Variants in SIPA1L2 observed in about 807,000 individuals in gnomAD.
SIPA1L2 encodes the protein signal induced proliferation associated 1 like 2.
Under a neutral mutation model 163.9 loss-of-function variants are expected in SIPA1L2, and 56 were observed. That is an observed-to-expected ratio of 0.34 (90% CI 0.28 to 0.43). SIPA1L2 has a LOEUF of 0.43. SIPA1L2 is among the 20% of genes least tolerant of loss of function. The pLI is 1.00. For missense variants in SIPA1L2, 1,974 were observed against 2,193.5 expected (o/e 0.90, Z 2.00); for synonymous variants, 877 against 865.7 (o/e 1.01, Z -0.23).
chr1:232,618,950 C>T lies in SIPA1L2; in HGVS notation c.-319+10919G>A, dbSNP rs566225786. Among the ~76,000 whole-genome samples, 8 of 152,304 alleles carry T rather than the reference C, an allele frequency of 5.3e-5. No individual in the cohort carries two copies. In the South Asian group the frequency reaches 1.7e-3, roughly 32 times the overall value. On this transcript the variant is annotated intron_variant, in intron 1 of 22. Transcript: ENST00000674635. ...TGAGGAAAAAAAACATAATGACCAT[C>T]TTACGTGATAGACAAAGTAATTATC...
chr1:232,444,798 C>T lies in SIPA1L2; in HGVS notation c.3353+731G>A, dbSNP rs534299713. Among the ~76,000 whole-genome samples, 161 of 152,296 alleles carry T rather than the reference C, an allele frequency of 1.1e-3. 1 individual carries two copies. Among genetic ancestry groups the T allele is most frequent in the African/African-American group, 3.4e-3 (142 of 41,548 alleles). ...TCAAGTAAGTTAAGAGCTGTGATTCCAGCCTGGCTCCCAGTCCGTGGTCTA... is the reference window on the plus strand; with the variant it reads ...TCAAGTAAGTTAAGAGCTGTGATTCTAGCCTGGCTCCCAGTCCGTGGTCTA... On this transcript the variant is annotated intron_variant, in intron 11 of 22. Coordinates refer to ENST00000674635, the MANE Select transcript of SIPA1L2 (RefSeq NM_020808.5).
chr1:232,510,379 T>C (rs1013740112), intron 3 of SIPA1L2, among the ~76,000 whole-genome samples: 2 of 152,210 alleles, frequency 1.3e-5, no homozygotes, highest in African/African-American at 2.4e-5. Context: ...TCTAGAATTC[T>C]GCTTTCTGAC....
intron 7 of SIPA1L2, among the ~76,000 whole-genome samples, chr1:232,471,988 A>G (rs892900333): frequency 1.1e-4 from 16 of 152,370 alleles, no homozygotes; most frequent in Admixed American, 7.2e-4. Context: ...TGCAACAAAA[A>G]TACAGAACAC....
chr1:232,425,517 C>T (rs1048059495), intron 18 of SIPA1L2, 72 bp downstream of exon 18: 6 of 1,183,910 alleles, frequency 5.1e-6, no homozygotes, highest in Non-Finnish European at 3.5e-6. Flanking sequence ...ACCCTCAGAG[C>T]TCAATGAGGC....
intron 22 of SIPA1L2, among the ~76,000 whole-genome samples, chr1:232,400,456 C>T (rs1318879397): frequency 6.6e-6 from 1 of 152,160 alleles, no homozygotes; most frequent in African/African-American, 2.4e-5. Flanking sequence ...AATCCTGGCT[C>T]CCTCCCGAGG....
chr1:232,540,469 G>C (rs892438748), intron 2 of SIPA1L2, among the ~76,000 whole-genome samples: 1 of 152,072 alleles, frequency 6.6e-6, no homozygotes, highest in Non-Finnish European at 1.5e-5. Context: ...TCCAACACCC[G>C]TTGCCTCCAT....
chr1:232,407,705 G>A (rs550012693), intron 19 of SIPA1L2, among the ~76,000 whole-genome samples: 1 of 152,320 alleles, frequency 6.6e-6, no homozygotes, highest in East Asian at 1.9e-4. Flanking sequence ...GGAAACCTAG[G>A]AGGACAGGCC....
chr1:232,436,010 C>T (rs975764766), intron 15 of SIPA1L2, among the ~76,000 whole-genome samples: 4 of 152,016 alleles, frequency 2.6e-5, no homozygotes, highest in Non-Finnish European at 4.4e-5. Flanking sequence ...GCTATGGTGT[C>T]GGTTGTGAAA....
At chr1:232,441,203 C>T in intron 14 of SIPA1L2, 88 bp downstream of exon 14, 1 of 972,770 alleles carries the variant, frequency 1.0e-6, no homozygotes, top group Non-Finnish European at 1.5e-6. Flanking sequence ...TGCTCTTGAG[C>T]ATCCCCAGGA....
intron 3 of SIPA1L2, among the ~76,000 whole-genome samples, chr1:232,509,718 CCT>C (rs1486265321): frequency 3.9e-5 from 6 of 152,200 alleles, no homozygotes; most frequent in African/African-American, 1.4e-4. Flanking sequence ...GCTGCCTCTG[CCT>C]GGAGTCCTTA....
At chr1:232,504,919 G>A (rs1404152665) in intron 3 of SIPA1L2, among the ~76,000 whole-genome samples, 2 of 152,088 alleles carry the variant, frequency 1.3e-5, no homozygotes, top group East Asian at 1.9e-4. Flanking sequence ...GTTCTCTCAC[G>A]GAAAGCAGCT....
At position 232,400,308 on chromosome 1, in the gene SIPA1L2, C is replaced by G. The variant is rs887224014; in HGVS notation, c.5023-1035G>C. Among the ~76,000 whole-genome samples the G allele has an allele frequency of 2.6e-5, 4 of 152,336 alleles. No individual in the cohort carries two copies. The Middle Eastern group carries it at 0.01, about 389-fold the overall frequency. ...GTCTGAGTCCCACAGCTCAGCACAT[C>G]TCTGCTGCGACTCGGCTGCCCACCT... is the stretch of plus-strand genomic sequence containing the variant. On this transcript the variant is annotated intron_variant, in intron 22 of 22. Transcript: ENST00000674635.
intron 18 of SIPA1L2, among the ~76,000 whole-genome samples, chr1:232,418,194 G>A (rs911754558): frequency 2.0e-5 from 3 of 152,126 alleles, no homozygotes; most frequent in African/African-American, 4.8e-5. Flanking sequence ...CTTACTTGGC[G>A]ATAACAGGAG....
rs537520173 is a variant in SIPA1L2, at chr1:232,428,609, G to A, written c.4257-45C>T. ...TGGAAATTAAGCCTATTTGTAAAGT[G>A]CCTGTAGTGGTAAGAATTAAAACCT... On this transcript the variant is annotated intron_variant, in intron 16 of 22. Transcript: ENST00000674635. The A allele has an allele frequency of 2.0e-5, 28 of 1,398,720 alleles. No homozygotes were observed. The South Asian group carries it at 3.9e-4, about 19-fold the overall frequency. 86.6% of individuals were successfully genotyped at this position (1,398,720 alleles called of 1,614,324 possible).
rs533734102 is a variant in SIPA1L2 at position 232,467,102 on chromosome 1, T to C, written c.2244-1686A>G. On this transcript the variant is annotated intron_variant, in intron 8 of 22. Coordinates refer to ENST00000674635, the MANE Select transcript of SIPA1L2 (RefSeq NM_020808.5). ...TTCTGAAATGTGGTTGGTTAGACTT[T>C]AGAAAAATCGCAGGCTAACTTGTGC... is the stretch of plus-strand genomic sequence containing the variant. Among the ~76,000 whole-genome samples the C allele has an allele frequency of 1.7e-4, 26 of 152,324 alleles. 1 individual carries two copies. In the South Asian group the frequency reaches 1.9e-3, roughly 11 times the overall value.
At chr1:232,602,449 G>A (rs1266395068) in intron 1 of SIPA1L2, among the ~76,000 whole-genome samples, 1 of 152,156 alleles carries the variant, frequency 6.6e-6, no homozygotes, top group Non-Finnish European at 1.5e-5. Context: ...CTCTGCCTCA[G>A]CCTCCAGAGT....
At chr1:232,542,023 T>C (rs789637) in intron 2 of SIPA1L2, among the ~76,000 whole-genome samples, 139,986 of 152,000 alleles carry the variant, frequency 0.92, 64,970 homozygotes, top group Middle Eastern at 0.98. Context: ...TTCCTGTTTT[T>C]GTACAAGATT....
At chr1:232,517,932 G>A (rs552288414) in intron 2 of SIPA1L2, among the ~76,000 whole-genome samples, 9 of 151,668 alleles carry the variant, frequency 5.9e-5, no homozygotes, top group African/African-American at 1.2e-4. Flanking sequence ...CTGTAGTATC[G>A]GCTACTTGGG....
At chr1:232,462,757 T>G (rs7529880) in intron 9 of SIPA1L2, among the ~76,000 whole-genome samples, 10,792 of 152,230 alleles carry the variant, frequency 0.071, 657 homozygotes, top group Admixed American at 0.19. Flanking sequence ...CAAATATCAA[T>G]GCGATTATCA....
Sources: allele counts gnomAD v4.1 joint callset (sites outside exome capture counted in the v4.1 genomes callset), GRCh38; gene constraint gnomAD v4.1.1; transcripts MANE v1.5; gene names NCBI Gene and HGNC (gene_info 2026-07-23, HGNC 2026-07-21).